NRCAM: variants seen among roughly 807,000 people sequenced by gnomAD.
NRCAM encodes neuronal cell adhesion molecule.
Under a neutral mutation model 156.5 loss-of-function variants are expected in NRCAM, and 83 were observed. That is an observed-to-expected ratio of 0.53 (90% CI 0.44 to 0.64). The LOEUF is 0.64. NRCAM is among the 30% of genes least tolerant of loss of function. The pLI, the probability that NRCAM is intolerant of heterozygous loss-of-function variation, is 0.00. For missense variants in NRCAM, 1,417 were observed against 1,597.3 expected (o/e 0.89, Z 1.92); for synonymous variants, 538 against 563.9 (o/e 0.95, Z 0.65).
chr7:108,412,842 T>C (rs1029568185), intron 1 of NRCAM, among the ~76,000 whole-genome samples: 2 of 152,218 alleles, frequency 1.3e-5, no homozygotes, highest in African/African-American at 4.8e-5. Flanking sequence ...CATAATGTCC[T>C]CCAGGTTCAT....
At chr7:108,284,497 C>T (rs1319045054) in intron 3 of NRCAM, among the ~76,000 whole-genome samples, 1 of 152,184 alleles carries the variant, frequency 6.6e-6, no homozygotes, top group East Asian at 1.9e-4. Context: ...CTCCTCTGCT[C>T]AGGGCCCTGC....
chr7:108,170,636 G>A (rs1420741424), intron 28 of NRCAM, among the ~76,000 whole-genome samples: 1 of 152,182 alleles, frequency 6.6e-6, no homozygotes, highest in African/African-American at 2.4e-5. Flanking sequence ...TCCCTAAAGT[G>A]TATAAAACCA....
At chr7:108,391,278 T>A (rs2099758975) in intron 2 of NRCAM, among the ~76,000 whole-genome samples, 1 of 152,122 alleles carries the variant, frequency 6.6e-6, no homozygotes, top group South Asian at 2.1e-4. Flanking sequence ...GCATATATAT[T>A]TAGGATAGTT....
At chr7:108,403,680 G>T (rs2099799338) in intron 1 of NRCAM, among the ~76,000 whole-genome samples, 1 of 152,162 alleles carries the variant, frequency 6.6e-6, no homozygotes, top group African/African-American at 2.4e-5. Flanking sequence ...TAGAGAAAAT[G>T]AGGCCATAGT....
intron 8 of NRCAM, 94 bp from the exon 9 acceptor site, chr7:108,226,472 AACTT>A: frequency 2.6e-6 from 2 of 774,448 alleles, no homozygotes; most frequent in Non-Finnish European, 2.1e-6. Context: ...TAGGTCTGTG[AACTT>A]CATTTGAATA....
intron 2 of NRCAM, among the ~76,000 whole-genome samples, chr7:108,326,483 C>T (rs979255567): frequency 6.6e-6 from 1 of 152,114 alleles, no homozygotes; most frequent in Non-Finnish European, 1.5e-5. Context: ...TATAGTATCT[C>T]TAGCAAGATT....
At chr7:108,229,617 C>T (rs942345790) in intron 8 of NRCAM, among the ~76,000 whole-genome samples, 1 of 152,174 alleles carries the variant, frequency 6.6e-6, no homozygotes, top group South Asian at 2.1e-4. Context: ...TCTCATCTAG[C>T]CCAGGCCTCT....
At position 108,409,525 on chromosome 7, in the gene NRCAM, A is replaced by G. The variant is rs2154408740; in HGVS notation, c.-331-9932T>C. 1.3e-5 allele frequency among the ~76,000 whole-genome samples: 2 copies of G among 151,738 alleles called. 1 individual carries two copies. The highest frequency in any genetic ancestry group is 1.3e-4 in the Admixed American group (2 of 15,254). Reference sequence around the variant, plus strand: ...TGGGTCACTCTTCAATTCCATTTTCACCCCGGTGCCATCTCGCGCATCACC... The same window carrying G: ...TGGGTCACTCTTCAATTCCATTTTCGCCCCGGTGCCATCTCGCGCATCACC... On this transcript the variant is annotated intron_variant, in intron 1 of 32. Transcript: ENST00000379028.
intron 12 of NRCAM, among the ~76,000 whole-genome samples, 177 bp downstream of exon 12, chr7:108,209,244 G>C (rs1476080704): frequency 6.6e-6 from 1 of 152,136 alleles, no homozygotes; most frequent in Non-Finnish European, 1.5e-5. Context: ...ATTTGAACAA[G>C]TAAATTTTTA....
chr7:108,197,548 G>A (rs1207615248), intron 14 of NRCAM, among the ~76,000 whole-genome samples: 1 of 152,120 alleles, frequency 6.6e-6, no homozygotes, highest in African/African-American at 2.4e-5. Context: ...TCTGTGACAT[G>A]GATAAAGGCC....
intron 20 of NRCAM, among the ~76,000 whole-genome samples, chr7:108,186,444 C>T (rs572345438): frequency 1.3e-5 from 2 of 152,284 alleles, no homozygotes; most frequent in Non-Finnish European, 2.9e-5. Context: ...CTTCTTATTT[C>T]CCTACTTCTT....
intron 1 of NRCAM, among the ~76,000 whole-genome samples, chr7:108,400,781 G>A (rs561609139): frequency 1.1e-4 from 16 of 152,092 alleles, no homozygotes; most frequent in Non-Finnish European, 1.8e-4. Context: ...AAGCAGCAGC[G>A]TGAGAATGGG....
At chr7:108,401,057 C>T (rs1212639938) in intron 1 of NRCAM, among the ~76,000 whole-genome samples, 2 of 152,026 alleles carry the variant, frequency 1.3e-5, no homozygotes, top group African/African-American at 4.8e-5. Flanking sequence ...GTCAGGAATT[C>T]GAGACAAGCC....
intron 3 of NRCAM, among the ~76,000 whole-genome samples, chr7:108,272,629 A>G (rs1172718282): frequency 6.6e-6 from 1 of 151,906 alleles, no homozygotes; most frequent in Non-Finnish European, 1.5e-5. Context: ...TATACATAGC[A>G]CCCTATTTTT....
intron 12 of NRCAM, among the ~76,000 whole-genome samples, chr7:108,208,518 C>T (rs926789632): frequency 3.3e-5 from 5 of 152,136 alleles, no homozygotes; most frequent in East Asian, 1.9e-4. Context: ...CTAAACTACA[C>T]ATTCTGTTAG....
intron 2 of NRCAM, among the ~76,000 whole-genome samples, chr7:108,344,235 G>A (rs1311764459): frequency 6.6e-6 from 1 of 152,156 alleles, no homozygotes; most frequent in African/African-American, 2.4e-5. Context: ...GAAGGTGACT[G>A]CAACCACCTT....
chr7:108,262,291 G>A (rs749609379), intron 3 of NRCAM, among the ~76,000 whole-genome samples: 3 of 152,180 alleles, frequency 2.0e-5, no homozygotes, highest in South Asian at 2.1e-4. Flanking sequence ...CCACCTCCCC[G>A]ACAGAAGGAC....
chr7:108,301,279 A>C (rs1352061175), intron 3 of NRCAM, among the ~76,000 whole-genome samples: 1 of 152,236 alleles, frequency 6.6e-6, no homozygotes, highest in Admixed American at 6.5e-5. Context: ...AAAGTGTGTT[A>C]TCTGCCAGTC....
intron 13 of NRCAM, among the ~76,000 whole-genome samples, chr7:108,198,394 C>CT (rs1040872295): frequency 2.6e-5 from 4 of 151,424 alleles, no homozygotes; most frequent in Non-Finnish European, 5.9e-5. Flanking sequence ...CCCCTTGTAT[C>CT]TTTTTTTTAA....
Sources: gnomAD v4.1 joint callset for allele counts (sites outside exome capture counted in the v4.1 genomes callset) on GRCh38, gnomAD v4.1.1 for gene constraint, MANE v1.5 for transcripts, NCBI Gene and HGNC (gene_info 2026-07-23, HGNC 2026-07-21) for gene names.